The following ZNF385D variants were observed in gnomAD, a reference collection of about 807,000 sequenced individuals.
The protein encoded by ZNF385D is zinc finger protein 659.
In ZNF385D, 15 loss-of-function variants were observed where a neutral mutation model predicts 35.8. The ratio of observed to expected loss-of-function variants is 0.42; its 90% CI spans 0.28 to 0.64. ZNF385D has a LOEUF of 0.64. Ranked by LOEUF, ZNF385D falls within the 30% of genes least tolerant of loss-of-function variation. The pLI is 0.23. For missense variants in ZNF385D, 474 were observed against 494.6 expected, an observed-to-expected ratio of 0.96 and a Z score of 0.39; for synonymous variants, 212 against 186.8, an observed-to-expected ratio of 1.13 and a Z score of -1.10.
chr3:21,867,159 A>G (rs1260362271), intron 3 of ZNF385D, among the ~76,000 whole-genome samples: 2 of 152,158 alleles, frequency 1.3e-5, no homozygotes, highest in African/African-American at 4.8e-5. Context: ...CTGTGTCCTC[A>G]CATCACAGAG....
chr3:21,619,899 A>G (rs578259499), intron 2 of ZNF385D, among the ~76,000 whole-genome samples: 2 of 152,234 alleles, frequency 1.3e-5, no homozygotes, highest in African/African-American at 2.4e-5. Flanking sequence ...TTGCAAACCT[A>G]GTTTGGTTCT....
At chr3:21,641,669 T>G (rs2125858926) in intron 2 of ZNF385D, among the ~76,000 whole-genome samples, 1 of 145,758 alleles carries the variant, frequency 6.9e-6, no homozygotes, top group South Asian at 2.2e-4. Context: ...AGAGATGGGG[T>G]TTTGCCATGT....
intron 2 of ZNF385D, among the ~76,000 whole-genome samples, chr3:21,596,829 A>G (rs1421418202): frequency 3.9e-5 from 6 of 152,038 alleles, no homozygotes; most frequent in Non-Finnish European, 8.8e-5. Context: ...GGTGACTGCC[A>G]TACCTATGTT....
At chr3:21,689,130 C>CAAAAA (rs5847126) in intron 1 of ZNF385D, among the ~76,000 whole-genome samples, 1 of 114,324 alleles carries the variant, frequency 8.7e-6, no homozygotes. Context: ...CTTATTGAAG[C>CAAAAA]AAAAAAAAAA....
At chr3:21,999,605 T>C (rs1013551512) in intron 3 of ZNF385D, among the ~76,000 whole-genome samples, 1 of 152,110 alleles carries the variant, frequency 6.6e-6, no homozygotes, top group Non-Finnish European at 1.5e-5. Flanking sequence ...ATTTTTGAAC[T>C]TGGGACTTTA....
At chr3:22,295,726 T>G (rs1193060696) in intron 2 of ZNF385D, among the ~76,000 whole-genome samples, 2 of 152,102 alleles carry the variant, frequency 1.3e-5, no homozygotes, top group African/African-American at 4.8e-5. Context: ...TAGTCTGACT[T>G]CGGATGTTTT....
chr3:21,759,760 G>T (rs948828100), intron 3 of ZNF385D, among the ~76,000 whole-genome samples: 1 of 152,068 alleles, frequency 6.6e-6, no homozygotes, highest in Admixed American at 6.6e-5. Flanking sequence ...AGTAAACAGC[G>T]TTATATTGAA....
chr3:22,157,314 C>T (rs994939679), intron 3 of ZNF385D, among the ~76,000 whole-genome samples: 3 of 152,064 alleles, frequency 2.0e-5, no homozygotes, highest in Admixed American at 1.3e-4. Flanking sequence ...AAATCTAGAA[C>T]AATGTAAATG....
chr3:21,581,483 G>T (rs566045048), intron 2 of ZNF385D, among the ~76,000 whole-genome samples: 6 of 152,114 alleles, frequency 3.9e-5, no homozygotes, highest in Non-Finnish European at 7.4e-5. Flanking sequence ...AAGAGGTAGG[G>T]TGTTGTATTT....
intron 3 of ZNF385D, among the ~76,000 whole-genome samples, chr3:21,857,538 C>A (rs1396967720): frequency 2.0e-5 from 3 of 151,840 alleles, no homozygotes; most frequent in Admixed American, 6.6e-5. Context: ...AACCACGGGG[C>A]CTCATAATTC....
chr3:22,001,535 T>C (rs1343613626), intron 3 of ZNF385D, among the ~76,000 whole-genome samples: 2 of 152,110 alleles, frequency 1.3e-5, no homozygotes, highest in African/African-American at 4.8e-5. Flanking sequence ...ATTTCAATTT[T>C]AGTTGGGTAC....
At chr3:22,193,520 TAGC>T (rs1275839247) in intron 2 of ZNF385D, among the ~76,000 whole-genome samples, 1 of 152,108 alleles carries the variant, frequency 6.6e-6, no homozygotes, top group Non-Finnish European at 1.5e-5. Context: ...AAATGAATTT[TAGC>T]AGAATTATTT....
At chr3:21,848,267 G>A (rs1376901400) in intron 3 of ZNF385D, among the ~76,000 whole-genome samples, 1 of 151,922 alleles carries the variant, frequency 6.6e-6, no homozygotes, top group African/African-American at 2.4e-5. Flanking sequence ...AACTTAGGTT[G>A]TTTCCACATT....
intron 2 of ZNF385D, among the ~76,000 whole-genome samples, chr3:21,663,411 G>A (rs770945567): frequency 6.6e-6 from 1 of 152,018 alleles, no homozygotes; most frequent in Non-Finnish European, 1.5e-5. Context: ...ACATGGGACC[G>A]CAGTGATGGG....
intron 3 of ZNF385D, among the ~76,000 whole-genome samples, chr3:21,896,823 T>TC (rs1385362930): frequency 1.3e-5 from 2 of 148,618 alleles, no homozygotes; most frequent in East Asian, 3.9e-4. Flanking sequence ...CTTAATACTT[T>TC]TTTTTTTTTT....
chr3:21,506,654 A>C (rs1706795615), intron 4 of ZNF385D, among the ~76,000 whole-genome samples: 1 of 152,208 alleles, frequency 6.6e-6, no homozygotes, highest in Admixed American at 6.6e-5. Context: ...GCTAGATTAG[A>C]CAATTATTCT....
intron 3 of ZNF385D, among the ~76,000 whole-genome samples, chr3:21,542,571 C>T (rs1442192804): frequency 1.3e-5 from 2 of 152,004 alleles, no homozygotes; most frequent in Non-Finnish European, 2.9e-5. Context: ...GCTCTCAATC[C>T]CTTGGCCTGC....
intron 2 of ZNF385D, among the ~76,000 whole-genome samples, chr3:21,645,387 A>G (rs369920252): frequency 1.4e-4 from 21 of 152,250 alleles, no homozygotes; most frequent in African/African-American, 4.6e-4. Context: ...GACCTCCACA[A>G]CCTACACATT....
chr3:21,915,481 T>C (rs1365724592), intron 3 of ZNF385D, among the ~76,000 whole-genome samples: 2 of 152,172 alleles, frequency 1.3e-5, no homozygotes, highest in Non-Finnish European at 2.9e-5. Flanking sequence ...TTTAATGTTC[T>C]AGTTTTAACT....
Sources: allele counts gnomAD v4.1 joint callset (sites outside exome capture counted in the v4.1 genomes callset), GRCh38; gene constraint gnomAD v4.1.1; transcripts MANE v1.5; gene names NCBI Gene and HGNC (gene_info 2026-07-23, HGNC 2026-07-21).